The following PCDH7 variants were observed in gnomAD, a reference collection of about 807,000 sequenced individuals.
PCDH7 encodes the protein protocadherin 7.
PCDH7 carries 17 observed loss-of-function variants against 58.9 expected under a neutral mutation model. The ratio of observed to expected loss-of-function variants is 0.29; its 90% CI spans 0.20 to 0.43. PCDH7 has a LOEUF of 0.43. Among genes scored for constraint, PCDH7 ranks in the 20% least tolerant of loss-of-function variants. The probability of loss-of-function intolerance (pLI) is 1.00; values close to 1 mark genes in which losing one functional copy is unlikely to be tolerated. For missense variants in PCDH7, 1,274 were observed against 1,441.0 expected, an observed-to-expected ratio of 0.88 and a Z score of 1.88; for synonymous variants, 664 against 616.4, an observed-to-expected ratio of 1.08 and a Z score of -1.14.
intron 3 of PCDH7, among the ~76,000 whole-genome samples, chr4:30,982,899 T>G (rs888003206): frequency 6.6e-6 from 1 of 152,180 alleles, no homozygotes; most frequent in African/African-American, 2.4e-5. Context: ...ACATTGATTT[T>G]AGAGAGAATT....
chr4:30,845,747 G>T (rs1731854986), intron 1 of PCDH7, among the ~76,000 whole-genome samples: 1 of 151,980 alleles, frequency 6.6e-6, no homozygotes, highest in African/African-American at 2.4e-5. Flanking sequence ...CTACAAGTGT[G>T]TGCCACCAGG....
intron 1 of PCDH7, among the ~76,000 whole-genome samples, chr4:30,856,535 T>G (rs1424773760): frequency 1.3e-5 from 2 of 152,056 alleles, no homozygotes; most frequent in Admixed American, 1.3e-4. Context: ...CTGCAGTTGT[T>G]GTATACCAGT....
intron 2 of PCDH7, among the ~76,000 whole-genome samples, chr4:30,923,368 T>G (rs1305113615): frequency 6.6e-6 from 1 of 152,118 alleles, no homozygotes; most frequent in East Asian, 1.9e-4. Context: ...ACAAGAAAAT[T>G]TAAGTGAAAT....
chr4:30,765,464 C>T (rs1394731990), intron 1 of PCDH7, among the ~76,000 whole-genome samples: 1 of 152,058 alleles, frequency 6.6e-6, no homozygotes, highest in Non-Finnish European at 1.5e-5. Flanking sequence ...GTCCCTGGTA[C>T]CTTTAGTAGC....
intron 3 of PCDH7, among the ~76,000 whole-genome samples, chr4:31,057,996 A>G (rs888018250): frequency 3.3e-5 from 5 of 152,120 alleles, no homozygotes; most frequent in East Asian, 3.8e-4. Context: ...TAGGATTTAA[A>G]TATCCAATTA....
chr4:30,734,206 C>T (rs1370480094), downstream of PCDH7, among the ~76,000 whole-genome samples: 1 of 151,480 alleles, frequency 6.6e-6, no homozygotes, highest in African/African-American at 2.4e-5. Context: ...TTAATCCATT[C>T]ATTTTTTAGA....
chr4:30,722,461 T>A lies in PCDH7; in HGVS notation c.1039T>A (p.Phe347Ile). The A allele has an allele frequency of 6.2e-7, 1 of 1,610,306 alleles. No individual in the cohort carries two copies. ...GGTCAACGGGCAGATCGAATACGTG[T>A]TCGGGGCGGCCACCGAGTCGGTGAG... is the stretch of plus-strand genomic sequence containing the variant. Residue 347 changes from phenylalanine (F) to isoleucine (I), a missense_variant, in exon 1 of 2, where the codon TTC becomes ATC. Phe to Ile is a conservative substitution (Grantham distance 21). This residue lies in a region of PCDH7 where 331 missense variants were observed against 303.2 expected (regional missense o/e 1.09). Transcript: ENST00000361762. This position sits in a 1 kb window ranked among gnomAD's most constrained non-coding sequence, Gnocchi z 7.6.
At chr4:30,725,577 A>C (rs868141226) in intron 1 of PCDH7, among the ~76,000 whole-genome samples, 1 of 152,164 alleles carries the variant, frequency 6.6e-6, no homozygotes, top group Non-Finnish European at 1.5e-5. Flanking sequence ...TTTACTTTGT[A>C]TATCTACCAA....
chr4:30,757,496 T>G (rs1274971774), intron 1 of PCDH7, among the ~76,000 whole-genome samples: 1 of 152,186 alleles, frequency 6.6e-6, no homozygotes, highest in Admixed American at 6.5e-5. Context: ...CTAGCCTATT[T>G]ACTATTTGCC....
chr4:30,721,427 T>A lies in PCDH7; in HGVS notation c.5T>A (p.Leu2Gln). The change falls in exon 1 of 2, where the codon CTG becomes CAG. Residue 2 changes from leucine to glutamine, a missense_variant. This residue lies in a region of PCDH7 where 212 missense variants were observed against 255.8 expected (regional missense o/e 0.83). Coordinates refer to ENST00000361762, the Ensembl canonical transcript of PCDH7. This position sits in a 1 kb window ranked among gnomAD's most constrained non-coding sequence, Gnocchi z 6.7. ...TAGCAGCAGCAGCAGGAGAAGATGC[T>A]GAGGATGCGGACCGCGGGATGGGCG... 1 of 1,507,266 alleles carries A rather than the reference T, an allele frequency of 6.6e-7. No individual in the cohort carries two copies. The highest frequency in any genetic ancestry group is 1.3e-5 in the South Asian group (1 of 76,942). 93.4% of individuals were successfully genotyped at this position (1,507,266 alleles called of 1,614,324 possible). A position where few individuals can be genotyped will look rare whatever the true frequency, so the allele number is the denominator to read the frequency against.
intron 1 of PCDH7, among the ~76,000 whole-genome samples, chr4:30,743,844 T>C (rs1038261979): frequency 1.3e-5 from 2 of 152,222 alleles, no homozygotes; most frequent in Admixed American, 6.5e-5. Flanking sequence ...ATTGAAACTT[T>C]GGGGGAATAT....
chr4:30,880,645 C>G (rs954172782), intron 1 of PCDH7, among the ~76,000 whole-genome samples: 2 of 152,162 alleles, frequency 1.3e-5, no homozygotes, highest in Non-Finnish European at 2.9e-5. Context: ...CCATTTTTCT[C>G]TCTTACTGTC....
intron 3 of PCDH7, among the ~76,000 whole-genome samples, chr4:30,965,755 CATCTGT>C (rs897785890): frequency 2.0e-5 from 3 of 152,036 alleles, no homozygotes; most frequent in African/African-American, 7.2e-5. Context: ...TCTGTTCTTG[CATCTGT>C]ATCTTTCCAT....
chr4:30,972,619 A>C (rs888873268), intron 3 of PCDH7, among the ~76,000 whole-genome samples: 1 of 152,348 alleles, frequency 6.6e-6, no homozygotes, highest in Non-Finnish European at 1.5e-5. Context: ...TAATGTAATT[A>C]TCCACTACAA....
At chr4:31,100,628 C>T (rs990575138) in intron 3 of PCDH7, among the ~76,000 whole-genome samples, 3 of 152,102 alleles carry the variant, frequency 2.0e-5, no homozygotes, top group South Asian at 2.1e-4. Flanking sequence ...CTAACTTGTA[C>T]GGAAATTAAC....
intron 1 of PCDH7, among the ~76,000 whole-genome samples, chr4:30,832,411 A>G (rs1729918927): frequency 1.3e-5 from 2 of 152,246 alleles, no homozygotes; most frequent in South Asian, 4.1e-4. Context: ...GTAAGCATCG[A>G]CAGATTTTTG....
At chr4:31,033,837 T>C (rs917438780) in intron 3 of PCDH7, among the ~76,000 whole-genome samples, 3 of 152,194 alleles carry the variant, frequency 2.0e-5, no homozygotes, top group African/African-American at 7.2e-5. Flanking sequence ...CTCAAGCCTG[T>C]AATCCTAGCA....
At chr4:31,066,511 G>C (rs1051166093) in intron 3 of PCDH7, among the ~76,000 whole-genome samples, 2 of 151,822 alleles carry the variant, frequency 1.3e-5, no homozygotes, top group Non-Finnish European at 2.9e-5. Flanking sequence ...TTTAGTTTGG[G>C]TGTTATAATT....
chr4:31,084,656 AAGAG>A (rs71651575), intron 3 of PCDH7, among the ~76,000 whole-genome samples: 89 of 112,412 alleles, frequency 7.9e-4, no homozygotes, highest in East Asian at 1.7e-3. Flanking sequence ...AGGAGCAAGA[AAGAG>A]AGAGAGAGAG....
Sources: allele counts gnomAD v4.1 joint callset (sites outside exome capture counted in the v4.1 genomes callset), GRCh38; gene constraint gnomAD v4.1.1; regional missense constraint gnomAD v4.1.1; non-coding constraint Gnocchi (gnomAD v3.1); transcripts MANE v1.5; gene names NCBI Gene and HGNC (gene_info 2026-07-23, HGNC 2026-07-21).